NGLY1: variants seen among roughly 807,000 people sequenced by gnomAD.
NGLY1 encodes the protein N-glycanase 1.
Under a neutral mutation model 84.6 loss-of-function variants are expected in NGLY1, and 68 were observed. The observed-to-expected ratio is 0.80, with a 90% CI of 0.66 to 0.98. The LOEUF (loss-of-function observed/expected upper bound fraction) is 0.98, where lower values mean the gene tolerates loss of function less well. Ranked by LOEUF, NGLY1 falls within the 50% of genes least tolerant of loss-of-function variation. NGLY1 has a pLI of 0.00. For missense variants in NGLY1, 779 were observed against 770.2 expected, an observed-to-expected ratio of 1.01 and a Z score of -0.14; for synonymous variants, 280 against 275.2, an observed-to-expected ratio of 1.02 and a Z score of -0.17.
intron 10 of NGLY1, among the ~76,000 whole-genome samples, chr3:25,721,740 C>T (rs563159162): frequency 9.5e-5 from 9 of 94,804 alleles, no homozygotes; most frequent in South Asian, 7.7e-4. Flanking sequence ...CAGAGCAAGA[C>T]TCCATCTCAA....
intron 4 of NGLY1, among the ~76,000 whole-genome samples, chr3:25,746,057 C>T (rs948423550): frequency 6.6e-6 from 1 of 152,112 alleles, no homozygotes; most frequent in African/African-American, 2.4e-5. Flanking sequence ...TAAAAATGAA[C>T]TTGGTATACA....
At chr3:25,736,392 G>A (rs1034017282) in intron 6 of NGLY1, 17 of 1,549,116 alleles carry the variant, frequency 1.1e-5, no homozygotes, top group African/African-American at 9.6e-5. Context: ...CTTAATGTGC[G>A]CTGTAACTCT....
chr3:25,786,796 T>A (rs1045949408), upstream of NGLY1, among the ~76,000 whole-genome samples: 12 of 152,268 alleles, frequency 7.9e-5, no homozygotes, highest in African/African-American at 2.9e-4. Flanking sequence ...ACAATATTAA[T>A]GCTATGGCAT....
chr3:25,773,363 G>A (rs1262135354), intron 2 of NGLY1, among the ~76,000 whole-genome samples: 2 of 152,062 alleles, frequency 1.3e-5, no homozygotes, highest in Admixed American at 6.5e-5. Flanking sequence ...GGGTTAATAC[G>A]AAAGCCTCAT....
In NGLY1 at chr3:25,733,868, A is replaced by G. The variant is rs377612106; in HGVS notation, c.1260+4T>C. ...TTCTTTCAAAAAAGATAGCCACACCATACCTGCTTATTAAGCCCATTAATA... is the reference window on the plus strand; with the variant it reads ...TTCTTTCAAAAAAGATAGCCACACCGTACCTGCTTATTAAGCCCATTAATA... On this transcript the variant is annotated splice_donor_region_variant and intron_variant, in intron 8 of 11. Transcript: ENST00000280700. 16 of 1,608,010 alleles carry G rather than the reference A, an allele frequency of 1.0e-5. No homozygotes were observed. The African/African-American group carries it at 2.0e-4, about 20-fold the overall frequency.
At chr3:25,760,744 C>T (rs1707274731) in intron 3 of NGLY1, among the ~76,000 whole-genome samples, 2 of 151,790 alleles carry the variant, frequency 1.3e-5, no homozygotes, top group Non-Finnish European at 1.5e-5. Flanking sequence ...CCTGTAATCC[C>T]AGCTACTACG....
At chr3:25,744,755 T>A (rs1706333461) in intron 4 of NGLY1, among the ~76,000 whole-genome samples, 3 of 152,202 alleles carry the variant, frequency 2.0e-5, no homozygotes, top group African/African-American at 7.2e-5. Flanking sequence ...AAGCTCAAAT[T>A]AGAGATAAAA....
intron 3 of NGLY1, among the ~76,000 whole-genome samples, chr3:25,758,961 CT>C (rs1289412198): frequency 6.6e-6 from 1 of 152,240 alleles, no homozygotes; most frequent in African/African-American, 2.4e-5. Flanking sequence ...CTTCACCCCT[CT>C]TCCATTTTGA....
intron 2 of NGLY1, among the ~76,000 whole-genome samples, chr3:25,764,802 C>T (rs1459377750): frequency 3.9e-5 from 6 of 152,192 alleles, no homozygotes; most frequent in African/African-American, 1.2e-4. Context: ...TAATCTGAGT[C>T]TTTAAAGAAT....
At chr3:25,751,911 A>C (rs994910715) in intron 3 of NGLY1, among the ~76,000 whole-genome samples, 6 of 151,034 alleles carry the variant, frequency 4.0e-5, no homozygotes, top group African/African-American at 9.9e-5. Flanking sequence ...GTGCATACTT[A>C]GAGTCACAAA....
chr3:25,724,187 G>A (rs919629975), intron 10 of NGLY1, among the ~76,000 whole-genome samples: 1 of 152,126 alleles, frequency 6.6e-6, no homozygotes, highest in Non-Finnish European at 1.5e-5. Context: ...GCTCCCTAGA[G>A]GTTCAGTTTG....
chr3:25,789,289 ATTTTTT>A (rs958178205), intron 1 of NGLY1, among the ~76,000 whole-genome samples: 1 of 151,450 alleles, frequency 6.6e-6, no homozygotes, highest in Non-Finnish European at 1.5e-5. Flanking sequence ...TCTGGTGATA[ATTTTTT>A]TTTAAGTGAA....
intron 4 of NGLY1, among the ~76,000 whole-genome samples, chr3:25,747,656 T>G (rs529047423): frequency 6.6e-6 from 1 of 152,228 alleles, no homozygotes; most frequent in South Asian, 2.1e-4. Flanking sequence ...TTTAAAACAA[T>G]AAAAAGCTCA....
intron 3 of NGLY1, among the ~76,000 whole-genome samples, chr3:25,760,918 A>G (rs2125539078): frequency 7.5e-6 from 1 of 133,626 alleles, no homozygotes; most frequent in Non-Finnish European, 1.6e-5. Flanking sequence ...AAAAAAAAAA[A>G]AAGCTCGCAC....
At chr3:25,740,099 G>C (rs1327800184) in intron 4 of NGLY1, among the ~76,000 whole-genome samples, 1 of 152,162 alleles carries the variant, frequency 6.6e-6, no homozygotes, top group Non-Finnish European at 1.5e-5. Flanking sequence ...AGTCAGTTAG[G>C]AATTGATCCT....
At chr3:25,749,609 A>C in intron 4 of NGLY1, 1 of 1,460,326 alleles carries the variant, frequency 6.8e-7, no homozygotes, top group East Asian at 2.3e-5. Context: ...ACCCAGAGGT[A>C]TTGACGACAG....
At chr3:25,760,223 T>C (rs1216146439) in intron 3 of NGLY1, among the ~76,000 whole-genome samples, 6 of 152,136 alleles carry the variant, frequency 3.9e-5, no homozygotes, top group Non-Finnish European at 7.4e-5. Flanking sequence ...ATGGTTAAGA[T>C]GTTTGTGTAT....
intron 3 of NGLY1, chr3:25,755,507 CA>C: frequency 6.9e-7 from 1 of 1,459,040 alleles, no homozygotes; most frequent in Non-Finnish European, 9.6e-7. Context: ...CCACACCTGT[CA>C]AACCAGTTCC....
Position 25,751,250 on chromosome 3 carries a change from G to A in NGLY1, c.506C>T (p.Ser169Leu). The change falls in exon 4 of 12, where the codon TCA (serine) becomes TTA (leucine). Residue 169 changes from serine to leucine, a missense_variant. By Grantham distance (145) the Ser-to-Leu change is moderately radical. Transcript: ENST00000280700. ...GGACTGAAGAACTTCTAGAATGGCTGAGTCAGCAGCAACCTAATAGGAAAA... is the reference window on the plus strand; with the variant it reads ...GGACTGAAGAACTTCTAGAATGGCTAAGTCAGCAGCAACCTAATAGGAAAA... ...PPSASTVAAD[S>L]AILEVLQSNI... 6.4e-7 allele frequency: 1 copy of A among 1,564,006 alleles called. No individual in the cohort carries two copies. The highest frequency in any genetic ancestry group is 8.6e-7 in the Non-Finnish European group (1 of 1,157,102).
Sources: allele counts gnomAD v4.1 joint callset (sites outside exome capture counted in the v4.1 genomes callset), GRCh38; gene constraint gnomAD v4.1.1; transcripts MANE v1.5; gene names NCBI Gene and HGNC (gene_info 2026-07-23, HGNC 2026-07-21).